The following CFAP97 variants were observed in gnomAD, a reference collection of about 807,000 sequenced individuals.
The protein encoded by CFAP97 is cilia and flagella associated protein 97.
CFAP97 carries 36 observed loss-of-function variants against 43.1 expected under a neutral mutation model. That is an observed-to-expected ratio of 0.84 (90% CI 0.64 to 1.10). The LOEUF (loss-of-function observed/expected upper bound fraction) is 1.10. Ranked by LOEUF, CFAP97 falls within the 50% of genes least tolerant of loss-of-function variation. The probability of loss-of-function intolerance (pLI) is 0.00; values close to 1 mark genes in which losing one functional copy is unlikely to be tolerated. For missense variants in CFAP97, 657 were observed against 620.3 expected, an observed-to-expected ratio of 1.06 and a Z score of -0.63; for synonymous variants, 228 against 225.7, an observed-to-expected ratio of 1.01 and a Z score of -0.09.
intron 3 of CFAP97, chr4:185,169,626 C>G (rs1359567386): frequency 1.0e-6 from 1 of 985,014 alleles, no homozygotes; most frequent in African/African-American, 1.7e-5. Flanking sequence ...AAAAATTAAC[C>G]TAGCCCATCT....
upstream of CFAP97, chr4:185,210,234 A>AGCCGCCC (rs1233211912): frequency 1.0e-5 from 10 of 984,530 alleles, no homozygotes; most frequent in Admixed American, 6.2e-5. The surrounding 1 kb of genome is among the most constrained non-coding windows in gnomAD (Gnocchi z 4.4). Flanking sequence ...CCGCGACCTC[A>AGCCGCCC]GCCGCCCGCC....
intron 1 of CFAP97, among the ~76,000 whole-genome samples, chr4:185,194,537 T>G (rs1003345730): frequency 3.3e-5 from 5 of 152,120 alleles, no homozygotes; most frequent in Non-Finnish European, 7.4e-5. Flanking sequence ...TTTATTTAAA[T>G]TTTTTAAAGA....
At position 185,160,850 on chromosome 4, in the gene CFAP97, A is replaced by C. The variant is rs1364240142; in HGVS notation, c.*1948T>G. On this transcript the variant is annotated 3_prime_UTR_variant, in exon 5 of 5. Transcript: ENST00000458385. Reference sequence around the variant, plus strand: ...ATAAATATATAATCTTTATATATATATAAAAATCTTTTTTAAAAGATTTTT... The same window carrying C: ...ATAAATATATAATCTTTATATATATCTAAAAATCTTTTTTAAAAGATTTTT... 4.1e-5 allele frequency: 6 copies of C among 147,262 alleles called. No homozygotes were observed. Among genetic ancestry groups the C allele is most frequent in the Non-Finnish European group, 9.0e-5 (6 of 66,690 alleles). 9.1% of individuals were successfully genotyped at this position (147,262 alleles called of 1,614,324 possible).
intron 2 of CFAP97, among the ~76,000 whole-genome samples, chr4:185,187,389 C>A (rs940382522): frequency 1.3e-5 from 2 of 152,086 alleles, no homozygotes; most frequent in African/African-American, 4.8e-5. Flanking sequence ...TCATTCACTG[C>A]AATGGGACAC....
Position 185,176,811 on chromosome 4 carries a change from G to A in CFAP97, c.1055-760C>T, listed in dbSNP as rs377457494. Among the ~76,000 whole-genome samples the A allele has an allele frequency of 6.6e-5, 10 of 152,246 alleles. 1 individual carries two copies. The highest frequency in any genetic ancestry group is 2.4e-4 in the African/African-American group (10 of 41,562). On this transcript the variant is annotated intron_variant, in intron 2 of 4. Coordinates refer to ENST00000458385, the MANE Select transcript of CFAP97 (RefSeq NM_020827.3). ...CTCAGCAATGACTGAGGGAAACAAT[G>A]GCAAAAAGTAACTCCGAATATTCCA...
At chr4:185,198,732 T>G (rs2111419189) in intron 1 of CFAP97, among the ~76,000 whole-genome samples, 1 of 143,858 alleles carries the variant, frequency 7.0e-6, no homozygotes, top group East Asian at 2.1e-4. Context: ...GAGGTTGCAG[T>G]AAGCCGAGAT....
At chr4:185,191,269 G>T in intron 1 of CFAP97, 57 bp from the exon 2 acceptor site, 1 of 1,169,762 alleles carries the variant, frequency 8.5e-7, no homozygotes, top group Non-Finnish European at 1.1e-6. Context: ...CTTTCCATTT[G>T]TATACAATAA....
chr4:185,208,365 C>T (rs1054068869), upstream of CFAP97, among the ~76,000 whole-genome samples: 1 of 152,122 alleles, frequency 6.6e-6, no homozygotes, highest in African/African-American at 2.4e-5. Context: ...TTATTTTGAT[C>T]ATCCCCTTGG....
intron 2 of CFAP97, among the ~76,000 whole-genome samples, chr4:185,180,941 C>T (rs1735755486): frequency 6.6e-6 from 1 of 151,968 alleles, no homozygotes; most frequent in Admixed American, 6.6e-5. Flanking sequence ...AGTTACCATG[C>T]TAGAAATTGT....
intron 1 of CFAP97, among the ~76,000 whole-genome samples, chr4:185,203,631 C>T (rs1226352502): frequency 6.6e-6 from 1 of 152,116 alleles, no homozygotes; most frequent in Non-Finnish European, 1.5e-5. Flanking sequence ...TAGGGCTGAT[C>T]CTGACCCTCA....
chr4:185,171,412 T>A (rs905250677), intron 3 of CFAP97, among the ~76,000 whole-genome samples: 1 of 151,898 alleles, frequency 6.6e-6, no homozygotes, highest in East Asian at 1.9e-4. Context: ...TCTTAGAAAG[T>A]AAAAAAAGGA....
chr4:185,208,291 C>T (rs1737283980), upstream of CFAP97, among the ~76,000 whole-genome samples: 1 of 151,930 alleles, frequency 6.6e-6, no homozygotes. Flanking sequence ...GTAGGGATTA[C>T]AGGCGTGAGC....
intron 2 of CFAP97, among the ~76,000 whole-genome samples, chr4:185,177,625 A>G (rs963047979): frequency 2.0e-5 from 3 of 152,202 alleles, no homozygotes; most frequent in African/African-American, 7.2e-5. Context: ...ACCTGAGGTC[A>G]GGAGTTCAAG....
rs748731270 is a variant in CFAP97, at chr4:185,190,625, G to A, written c.572C>T (p.Ala191Val). 6.3e-7 allele frequency: 1 copy of A among 1,598,748 alleles called. No individual in the cohort carries two copies. Among genetic ancestry groups the A allele is most frequent in the African/African-American group, 1.3e-5 (1 of 74,906 alleles). ...SSGSGTDCLDAGSDSHLSDSS... is the reference protein window; with the variant it reads ...SSGSGTDCLDVGSDSHLSDSS... Reference sequence around the variant, plus strand: ...ATCAGATAGATGGCTATCAGACCCTGCATCTAAACAATCTGTACCTGAACC... The same window carrying A: ...ATCAGATAGATGGCTATCAGACCCTACATCTAAACAATCTGTACCTGAACC... Residue 191 changes from alanine (A) to valine (V), a missense_variant, in exon 2 of 5, where the codon GCA becomes GTA. Transcript: ENST00000458385.
At chr4:185,173,683 T>C (rs1226274530) in intron 3 of CFAP97, among the ~76,000 whole-genome samples, 1 of 152,140 alleles carries the variant, frequency 6.6e-6, no homozygotes, top group Non-Finnish European at 1.5e-5. Flanking sequence ...ATATTTAGAA[T>C]AGCCGAATTC....
Position 185,188,713 on chromosome 4 carries a change from T to TA in CFAP97, c.1054+1429dup, listed in dbSNP as rs5864932. Reference sequence around the variant, plus strand: ...TAATAGGATTGATTTACTTTTTTTTTACTTTGCAAAAGATCACTTTAGTTC... The same window carrying TA: ...TAATAGGATTGATTTACTTTTTTTTTAACTTTGCAAAAGATCACTTTAGTTC... On this transcript the variant is annotated intron_variant, in intron 2 of 4. Coordinates refer to ENST00000458385, the MANE Select transcript of CFAP97 (RefSeq NM_020827.3). 9.2e-3 allele frequency among the ~76,000 whole-genome samples: 1,399 copies of TA among 152,052 alleles called. 28 individuals are homozygous for TA. The highest frequency in any genetic ancestry group is 0.032 in the African/African-American group (1,342 of 41,496).
chr4:185,205,799 A>C (rs553327572), upstream of CFAP97, among the ~76,000 whole-genome samples: 12 of 152,352 alleles, frequency 7.9e-5, no homozygotes, highest in South Asian at 2.5e-3. Flanking sequence ...ATTGTACTCC[A>C]GCCTGGGCGA....
At position 185,199,700 on chromosome 4, in the gene CFAP97, C is replaced by T. The variant is rs73021802; in HGVS notation, c.-17+4198G>A. On this transcript the variant is annotated intron_variant, in intron 1 of 4. Coordinates refer to ENST00000458385, the MANE Select transcript of CFAP97 (RefSeq NM_020827.3). ...AACAAAAAAGAAAAAATCTTAAGGG[C>T]CTTAAGAATTATGCTAAATCTACTC... is the stretch of plus-strand genomic sequence containing the variant. Among the ~76,000 whole-genome samples the T allele has an allele frequency of 6.5e-3, 992 of 152,118 alleles. 15 individuals are homozygous for T. Among genetic ancestry groups the T allele is most frequent in the African/African-American group, 0.022 (929 of 41,512 alleles).
upstream of CFAP97, among the ~76,000 whole-genome samples, chr4:185,207,066 T>C (rs1236936958): frequency 1.3e-5 from 2 of 152,056 alleles, no homozygotes; most frequent in African/African-American, 4.8e-5. Flanking sequence ...GATTGGACGG[T>C]TGCCCACATC....
Sources: allele counts gnomAD v4.1 joint callset (sites outside exome capture counted in the v4.1 genomes callset), GRCh38; gene constraint gnomAD v4.1.1; non-coding constraint Gnocchi (gnomAD v3.1); transcripts MANE v1.5; gene names NCBI Gene and HGNC (gene_info 2026-07-23, HGNC 2026-07-21).